WDR62: variants seen among roughly 807,000 people sequenced by gnomAD.
WDR62 encodes the protein WD repeat-containing protein 62.
In WDR62, 112 loss-of-function variants were observed where a neutral mutation model predicts 160.6. That is an observed-to-expected ratio of 0.70 (90% confidence interval 0.60 to 0.82). The LOEUF (loss-of-function observed/expected upper bound fraction) is 0.82, where lower values mean the gene tolerates loss of function less well. Ranked by LOEUF, WDR62 falls within the 40% of genes least tolerant of loss-of-function variation. The pLI is 0.00. For missense variants in WDR62, 1,819 were observed against 1,983.8 expected, an observed-to-expected ratio of 0.92 and a Z score of 1.58; for synonymous variants, 792 against 815.1, an observed-to-expected ratio of 0.97 and a Z score of 0.48.
intron 13 of WDR62, among the ~76,000 whole-genome samples, chr19:36,088,227 T>C (rs1245420886): frequency 6.6e-6 from 1 of 152,142 alleles, no homozygotes; most frequent in African/African-American, 2.4e-5. Flanking sequence ...CAAACTGTTA[T>C]TCTGTAAAGA....
intron 3 of WDR62, among the ~76,000 whole-genome samples, chr19:36,063,776 T>C (rs1438273225): frequency 6.6e-6 from 1 of 152,238 alleles, no homozygotes; most frequent in East Asian, 1.9e-4. Context: ...TTCCTCCACT[T>C]CAAAGCCTCT....
At chr19:36,060,095 A>G (rs746637614) in intron 3 of WDR62, 65 bp downstream of exon 3, 58 of 1,515,698 alleles carry the variant, frequency 3.8e-5, no homozygotes, top group Non-Finnish European at 4.9e-5. Flanking sequence ...CCCCTCCCCT[A>G]CACAGCCTGG....
intron 1 of WDR62, among the ~76,000 whole-genome samples, chr19:36,055,443 C>T (rs1970309414): frequency 6.6e-6 from 1 of 152,162 alleles, no homozygotes; most frequent in Non-Finnish European, 1.5e-5. Context: ...TATATTTTAA[C>T]CCCCGTTCTA....
chr19:36,095,485 C>T (rs1438577366), intron 20 of WDR62, among the ~76,000 whole-genome samples: 1 of 152,220 alleles, frequency 6.6e-6, no homozygotes, highest in Non-Finnish European at 1.5e-5. Context: ...CTCACACCAC[C>T]TGACCAGGCA....
chr19:36,061,939 C>G (rs1568324784), intron 3 of WDR62: 1 of 148,840 alleles, frequency 6.7e-6, no homozygotes, highest in African/African-American at 2.5e-5. Context: ...CAAATGTTAG[C>G]TTTTTTTTCT....
At chr19:36,084,607 A>G (rs760259093) in intron 11 of WDR62, 46 bp from the exon 12 acceptor site, 3 of 1,588,638 alleles carry the variant, frequency 1.9e-6, no homozygotes, top group South Asian at 1.1e-5. Context: ...GGTAGAGCAC[A>G]TGGGGCTGGG....
chr19:36,067,743 C>A, intron 6 of WDR62, 85 bp from the exon 7 acceptor site: 1 of 1,466,668 alleles, frequency 6.8e-7, no homozygotes, highest in Non-Finnish European at 9.5e-7. Flanking sequence ...TCTTAGAGTT[C>A]TCCTGTTTTG....
chr19:36,099,346 C>A (rs1468241478), intron 21 of WDR62, 53 bp from the exon 22 acceptor site: 2 of 1,494,174 alleles, frequency 1.3e-6, no homozygotes, highest in South Asian at 2.3e-5. Flanking sequence ...CGTGTCGCTC[C>A]CTGCAGTGAG....
intron 22 of WDR62, among the ~76,000 whole-genome samples, chr19:36,100,013 G>A (rs1973229069): frequency 6.6e-6 from 1 of 152,188 alleles, no homozygotes; most frequent in Non-Finnish European, 1.5e-5. Context: ...CATTTGGGGA[G>A]GCCAAGGCAG....
In WDR62 at chr19:36,055,099, G is replaced by T; in HGVS notation, c.128G>T (p.Arg43Leu). ...SPPPAPPICL[R>L]RRTRLSTASE... ...CCCCCCGCCCCACCAATCTGCCTAC[G>T]GCGGCGGACGCGACTCTCGACGGCC... The change falls in exon 1 of 32, where the codon CGG (arginine) becomes CTG (leucine). Residue 43 changes from arginine to leucine, a missense_variant. By Grantham distance (102) the Arg-to-Leu change is moderately radical. This residue lies in a region of WDR62 where 115 missense variants were observed against 92.4 expected (regional missense o/e 1.24). Transcript: ENST00000401500. 1 of 1,605,780 alleles carries T rather than the reference G, an allele frequency of 6.2e-7. No homozygotes were observed.
intron 11 of WDR62, 121 bp from the exon 12 acceptor site, chr19:36,084,532 G>A: frequency 1.2e-6 from 1 of 868,792 alleles, no homozygotes; most frequent in Non-Finnish European, 1.9e-6. Context: ...CATGTCTAGA[G>A]TATTTGGCCA....
At chr19:36,096,420 C>A (rs1046248060) in intron 20 of WDR62, among the ~76,000 whole-genome samples, 2 of 152,078 alleles carry the variant, frequency 1.3e-5, no homozygotes, top group African/African-American at 2.4e-5. Context: ...TAAAAGAGAA[C>A]CCCGGCTGGG....
chr19:36,083,334 T>C, intron 11 of WDR62, 93 bp downstream of exon 11: 1 of 1,266,816 alleles, frequency 7.9e-7, no homozygotes, highest in South Asian at 1.3e-5. Context: ...TGGCACCTCC[T>C]GCTGCCCATT....
At chr19:36,092,628 C>T (rs778013024) in intron 18 of WDR62, 61 bp from the exon 19 acceptor site, 51 of 1,609,844 alleles carry the variant, frequency 3.2e-5, no homozygotes, top group East Asian at 1.1e-4. Context: ...GGGTCAGCCA[C>T]GGCAGCGGCT....
intron 13 of WDR62, among the ~76,000 whole-genome samples, chr19:36,087,685 G>T (rs1255414729): frequency 1.3e-5 from 2 of 151,910 alleles, no homozygotes; most frequent in African/African-American, 4.8e-5. Context: ...CGGGCATGGT[G>T]GTGCACACCT....
At position 36,055,124 on chromosome 19, in the gene WDR62, C is replaced by G; in HGVS notation, c.153C>G (p.Ala51=). The part of the protein sequence containing the change: ...CLRRRTRLST[A]SEETVQNRVS... ...GGCGGCGGACGCGACTCTCGACGGC[C>G]TCCGAGGAGACGGTGCAGAACCGGG... is the stretch of plus-strand genomic sequence containing the variant. Residue 51 remains alanine, a synonymous_variant, in exon 1 of 32, where the codon GCC becomes GCG. Transcript: ENST00000401500. 1 of 1,608,274 alleles carries G rather than the reference C, an allele frequency of 6.2e-7. No homozygotes were observed. Among genetic ancestry groups the G allele is most frequent in the Non-Finnish European group, 8.5e-7 (1 of 1,178,354 alleles).
chr19:36,106,471 C>T (rs961509778), downstream of WDR62, among the ~76,000 whole-genome samples: 2 of 151,956 alleles, frequency 1.3e-5, no homozygotes, highest in Non-Finnish European at 2.9e-5. Flanking sequence ...ACCTTCTATA[C>T]AGTCAAACAG....
At chr19:36,108,819 A>T (rs944978833), downstream of WDR62, among the ~76,000 whole-genome samples, 2 of 147,926 alleles carry the variant, frequency 1.4e-5, no homozygotes, top group Non-Finnish European at 3.0e-5. Flanking sequence ...ACTCCACTGC[A>T]CTCCAGCCTA....
chr19:36,089,324 A>G lies in WDR62; in HGVS notation c.1958+18A>G. 1.2e-6 allele frequency: 2 copies of G among 1,613,984 alleles called. No individual in the cohort carries two copies. Among genetic ancestry groups the G allele is most frequent in the Non-Finnish European group, 1.7e-6 (2 of 1,179,992 alleles). ...AATGTGAGGTAAGGGGTGGCCCTGGACCCTTAGCTGGCCTGGTCTGCCTTG... is the reference window on the plus strand; with the variant it reads ...AATGTGAGGTAAGGGGTGGCCCTGGGCCCTTAGCTGGCCTGGTCTGCCTTG... On this transcript the variant is annotated intron_variant, in intron 15 of 31. Transcript: ENST00000401500.
Sources: gnomAD v4.1 joint callset for allele counts (sites outside exome capture counted in the v4.1 genomes callset) on GRCh38, gnomAD v4.1.1 for gene constraint, gnomAD v4.1.1 regional missense constraint, MANE v1.5 for transcripts, NCBI Gene and HGNC (gene_info 2026-07-23, HGNC 2026-07-21) for gene names.